The following PTPRN variants were observed in gnomAD, a reference collection of about 807,000 sequenced individuals.
PTPRN encodes the protein receptor-type tyrosine-protein phosphatase-like N.
A neutral mutation model predicts 108.5 loss-of-function variants in PTPRN; 70 were observed. The observed-to-expected ratio is 0.65, with a 90% CI of 0.53 to 0.79. The LOEUF is 0.79. Ranked by LOEUF, PTPRN falls within the 30% of genes least tolerant of loss-of-function variation. The pLI, the probability that PTPRN is intolerant of heterozygous loss-of-function variation, is 0.00. For synonymous variants in PTPRN, 496 were observed against 524.6 expected, an observed-to-expected ratio of 0.95 and a Z score of 0.75; for missense variants, 1,136 against 1,295.5, an observed-to-expected ratio of 0.88 and a Z score of 1.89.
intron 7 of PTPRN, among the ~76,000 whole-genome samples, chr2:219,301,326 C>T (rs1952340449): frequency 1.3e-5 from 2 of 152,178 alleles, no homozygotes; most frequent in African/African-American, 4.8e-5. Flanking sequence ...CTTCCCGATG[C>T]CTCCTTTTCC....
At chr2:219,291,032 C>T in intron 20 of PTPRN, 142 bp from the exon 21 acceptor site, 1 of 768,864 alleles carries the variant, frequency 1.3e-6, no homozygotes, top group South Asian at 1.6e-5. Context: ...GGACAGTGAG[C>T]CGAGGATGAA....
intron 3 of PTPRN, among the ~76,000 whole-genome samples, chr2:219,304,300 C>T (rs528238597): frequency 1.6e-3 from 245 of 152,186 alleles, no homozygotes; most frequent in African/African-American, 5.3e-3. Flanking sequence ...AAAGTGGAAA[C>T]GATACATATT....
chr2:219,292,001 A>C, intron 19 of PTPRN: 1 of 179,188 alleles, frequency 5.6e-6, no homozygotes, highest in South Asian at 1.1e-4. Flanking sequence ...TGGTGACTTC[A>C]AGGGTGTCAG....
chr2:219,290,057 C>T lies in PTPRN; in HGVS notation c.*169G>A, dbSNP rs145470155. The T allele has an allele frequency of 2.4e-5, 16 of 653,370 alleles. No homozygotes were observed. The highest frequency in any genetic ancestry group is 3.6e-5 in the African/African-American group (2 of 54,810). 40.5% of individuals were successfully genotyped at this position (653,370 alleles called of 1,614,324 possible). On this transcript the variant is annotated 3_prime_UTR_variant, in exon 23 of 23. Coordinates refer to ENST00000295718, the MANE Select transcript of PTPRN (RefSeq NM_002846.4). This position sits in a 1 kb window ranked among gnomAD's most constrained non-coding sequence, Gnocchi z 4.2. The stretch of plus-strand genomic sequence containing the variant: ...CTGGGATGCCCCAGGCTCTGGCATG[C>T]GAGGCTGGGCAGGCGTGCCCCTTCT...
At position 219,290,276 on chromosome 2, in the gene PTPRN, T is replaced by A. The variant is rs751247619; in HGVS notation, c.2890A>T (p.Thr964Ser). ...RSKDQFEFAL[T>S]AVAEEVNAIL... ...GCATTCACTTCCTCCGCCACGGCTG[T>A]CAGGGCAAATTCAAACTGGTCCTGA... The change falls in exon 23 of 23, where the codon ACA (threonine) becomes TCA (serine). Residue 964 changes from threonine to serine, a missense_variant. Transcript: ENST00000295718. This position sits in a 1 kb window ranked among gnomAD's most constrained non-coding sequence, Gnocchi z 4.2. 5 of 1,613,378 alleles carry A rather than the reference T, an allele frequency of 3.1e-6. No homozygotes were observed. In the Admixed American group the frequency reaches 5.0e-5, roughly 16 times the overall value.
Position 219,289,837 on chromosome 2 carries a change from C to T in PTPRN, c.*389G>A, listed in dbSNP as rs181717211. ...GAGAAGCAGGGGGAGCCGGGTGTGGCGACCCTCCACCCCATTCTTCCATAC... is the reference window on the plus strand; with the variant it reads ...GAGAAGCAGGGGGAGCCGGGTGTGGTGACCCTCCACCCCATTCTTCCATAC... On this transcript the variant is annotated 3_prime_UTR_variant, in exon 23 of 23. Coordinates refer to ENST00000295718, the MANE Select transcript of PTPRN (RefSeq NM_002846.4). The T allele has an allele frequency of 6.0e-5, 11 of 181,874 alleles. No individual in the cohort carries two copies. The highest frequency in any genetic ancestry group is 1.3e-4 in the South Asian group (1 of 7,834). The allele number at this position is 181,874 out of a possible 1,614,324, so 11.3% of individuals were successfully genotyped here. A position where few individuals can be genotyped will look rare whatever the true frequency, so the allele number is the denominator to read the frequency against.
chr2:219,303,755 T>TG lies in PTPRN; in HGVS notation c.356dup (p.Glu120ArgfsTer60), dbSNP rs759562798. The TG allele has an allele frequency of 2.5e-6, 4 of 1,613,914 alleles. No individual in the cohort carries two copies. The highest frequency in any genetic ancestry group is 3.4e-6 in the Non-Finnish European group (4 of 1,179,950). ...CCTACCTGTCCCTTGGACGGGGCTC[T>TG]GGGGGGCGAAGCCTGGGGATGCGCT... On this transcript the variant is annotated frameshift_variant, in exon 4 of 23. Coordinates refer to ENST00000295718, the MANE Select transcript of PTPRN (RefSeq NM_002846.4). LOFTEE classifies it high-confidence loss of function.
chr2:219,308,991 C>A, intron 1 of PTPRN: 1 of 1,521,364 alleles, frequency 6.6e-7, no homozygotes, highest in African/African-American at 1.4e-5. Context: ...CAATTTTCCC[C>A]AGAGCCCAAT....
intron 3 of PTPRN, among the ~76,000 whole-genome samples, chr2:219,305,683 G>A (rs1346580133): frequency 6.6e-6 from 1 of 152,144 alleles, no homozygotes; most frequent in Admixed American, 6.5e-5. Flanking sequence ...CTCCAGGTGA[G>A]AACTCTGTCT....
At chr2:219,298,261 C>T (rs1348802918) in intron 12 of PTPRN, among the ~76,000 whole-genome samples, 158 bp from the exon 13 acceptor site, 2 of 152,218 alleles carry the variant, frequency 1.3e-5, no homozygotes, top group African/African-American at 4.8e-5. Context: ...GGCTCAGATT[C>T]TCCTTCTCAA....
Position 219,302,847 on chromosome 2 carries a change from A to G in PTPRN, c.378-10T>C. 1 of 1,606,562 alleles carries G rather than the reference A, an allele frequency of 6.2e-7. No individual in the cohort carries two copies. The highest frequency in any genetic ancestry group is 8.5e-7 in the Non-Finnish European group (1 of 1,178,112). On this transcript the variant is annotated splice_polypyrimidine_tract_variant and intron_variant, in intron 4 of 22. Transcript: ENST00000295718. ...GGGTGCCAAGCCAGACCTGTAGAGGAAAGCAAAGTGTGTGTGTTGGAGCGG... is the reference window on the plus strand; with the variant it reads ...GGGTGCCAAGCCAGACCTGTAGAGGGAAGCAAAGTGTGTGTGTTGGAGCGG...
rs747011233 is a variant in PTPRN, at chr2:219,299,058, C to T, written c.1657G>A (p.Gly553Arg). ...CAGTTAGCGCATACCTGTCCCACTC[C>T]TGTCTGCAAGATTTGGAGCCCTGTC... is the stretch of plus-strand genomic sequence containing the variant. ...AQTGLQILQT[G>R]VGQREEAAAV... Residue 553 changes from glycine to arginine, a missense_variant, in exon 12 of 23, where the codon GGA (glycine) becomes AGA (arginine). Gly to Arg is a moderately radical substitution (Grantham distance 125). Coordinates refer to ENST00000295718, the MANE Select transcript of PTPRN (RefSeq NM_002846.4). 35 of 1,614,150 alleles carry T rather than the reference C, an allele frequency of 2.2e-5. No homozygotes were observed. The highest frequency in any genetic ancestry group is 2.7e-5 in the Non-Finnish European group (32 of 1,180,060).
Position 219,290,522 on chromosome 2 carries a change from A to C in PTPRN, c.2868+16T>G. On this transcript the variant is annotated intron_variant, in intron 22 of 22. Transcript: ENST00000295718. The surrounding 1 kb of genome is among the most constrained non-coding windows in gnomAD (Gnocchi z 4.2). ...GAAGGGTGGGAGCTGGGGTTGGGGC[A>C]GGAAGGCATGGTCACCTTAGAGCGG... 6.5e-7 allele frequency: 1 copy of C among 1,550,206 alleles called. No homozygotes were observed.
At chr2:219,298,202 C>T in intron 12 of PTPRN, 99 bp from the exon 13 acceptor site, 1 of 1,193,274 alleles carries the variant, frequency 8.4e-7, no homozygotes, top group East Asian at 2.4e-5. Flanking sequence ...GTTAGGACAT[C>T]TCCTGGGGCA....
chr2:219,308,352 GCGC>G (rs1952535994), intron 1 of PTPRN: 1 of 174,422 alleles, frequency 5.7e-6, no homozygotes, highest in South Asian at 1.3e-4. Context: ...TCTGAGTCTG[GCGC>G]CGCCAAGGGC....
intron 18 of PTPRN, chr2:219,295,374 G>A (rs1424118063): frequency 1.9e-6 from 1 of 513,510 alleles, no homozygotes. Flanking sequence ...CTCGAGGTCG[G>A]AGTTTCTCCT....
Position 219,302,734 on chromosome 2 carries a change from G to GT in PTPRN, c.480dup (p.Pro161ThrfsTer19). On this transcript the variant is annotated frameshift_variant, in exon 5 of 23. Coordinates refer to ENST00000295718, the MANE Select transcript of PTPRN (RefSeq NM_002846.4). LOFTEE classifies it high-confidence loss of function. ...GCCCCAGCTCCACCTTTGCCCACTG[G>GT]TGGTTGTGGAAGCCGATGCTGGGCA... is the stretch of plus-strand genomic sequence containing the variant. The GT allele has an allele frequency of 6.2e-7, 1 of 1,613,628 alleles. No homozygotes were observed. The highest frequency in any genetic ancestry group is 1.3e-5 in the African/African-American group (1 of 75,038).
intron 12 of PTPRN, 80 bp downstream of exon 12, chr2:219,298,967 T>C: frequency 6.5e-7 from 1 of 1,539,194 alleles, no homozygotes; most frequent in Non-Finnish European, 9.0e-7. Context: ...GCTCCAGTTC[T>C]CCCCTCTGGT....
At chr2:219,299,145 C>T (rs1222028348) in intron 11 of PTPRN, 34 bp from the exon 12 acceptor site, 5 of 1,613,518 alleles carry the variant, frequency 3.1e-6, no homozygotes, top group Non-Finnish European at 4.2e-6. Context: ...CTTGCTCCAG[C>T]CCCATGTGGT....
Sources: allele counts gnomAD v4.1 joint callset (sites outside exome capture counted in the v4.1 genomes callset), GRCh38; gene constraint gnomAD v4.1.1; non-coding constraint Gnocchi (gnomAD v3.1); transcripts MANE v1.5; gene names NCBI Gene and HGNC (gene_info 2026-07-23, HGNC 2026-07-21).